GPC6: variants seen among roughly 807,000 people sequenced by gnomAD.
GPC6 encodes the protein glypican 6, also known as glypican-6.
A neutral mutation model predicts 55.2 loss-of-function variants in GPC6; 14 were observed. The observed-to-expected ratio is 0.25, with a 90% CI of 0.17 to 0.40. The LOEUF is 0.40. Ranked by LOEUF, GPC6 falls within the 10% of genes least tolerant of loss-of-function variation. The pLI is 1.00. For synonymous variants in GPC6, 278 were observed against 259.6 expected, an observed-to-expected ratio of 1.07 and a Z score of -0.68; for missense variants, 641 against 708.5, an observed-to-expected ratio of 0.90 and a Z score of 1.08.
rs1443939292 is a variant in GPC6, at chr13:93,676,160, TATATATATACATAC to T, written c.319+130741_319+130754del. On this transcript the variant is annotated intron_variant, in intron 2 of 8. Transcript: ENST00000377047. Reference sequence around the variant, plus strand: ...ATATATATATATATATATATATATATATATATATACATACACACACACACACACACATATATATG... The same window carrying T: ...ATATATATATATATATATATATATATACACACACACACACACATATATATG... Among the ~76,000 whole-genome samples, 33 of 24,758 alleles carry T rather than the reference TATATATATACATAC, an allele frequency of 1.3e-3. 1 individual carries two copies. Among genetic ancestry groups the T allele is most frequent in the African/African-American group, 3.2e-3 (31 of 9,782 alleles). The allele number at this position is 24,758 out of a possible 152,430, so 16.2% of individuals were successfully genotyped here.
intron 4 of GPC6, among the ~76,000 whole-genome samples, chr13:94,117,349 C>A (rs1186196719): frequency 6.6e-6 from 1 of 152,016 alleles, no homozygotes; most frequent in African/African-American, 2.4e-5. Flanking sequence ...AAATGGAAAT[C>A]CCAGGCAATT....
chr13:94,184,320 AG>A (rs2138951447), intron 4 of GPC6, among the ~76,000 whole-genome samples: 1 of 151,972 alleles, frequency 6.6e-6, no homozygotes, highest in East Asian at 1.9e-4. Flanking sequence ...CAAAAAACAA[AG>A]AAAAAAAAAA....
intron 3 of GPC6, among the ~76,000 whole-genome samples, chr13:93,918,120 C>A (rs1294819367): frequency 4.6e-5 from 7 of 151,678 alleles, no homozygotes; most frequent in Admixed American, 4.6e-4. Flanking sequence ...TCACATCTAA[C>A]TCATGATGTA....
chr13:93,984,574 C>A (rs1040886703), intron 3 of GPC6, among the ~76,000 whole-genome samples: 4 of 152,100 alleles, frequency 2.6e-5, no homozygotes, highest in African/African-American at 9.7e-5. Flanking sequence ...TTAGATGACA[C>A]ATAAAGATGT....
chr13:93,551,366 A>C (rs1483181603), intron 2 of GPC6, among the ~76,000 whole-genome samples: 1 of 151,478 alleles, frequency 6.6e-6, no homozygotes, highest in Non-Finnish European at 1.5e-5. Context: ...TTTCCGTAGT[A>C]CATCTTTGGG....
At chr13:93,526,030 A>G (rs191968203) in intron 1 of GPC6, among the ~76,000 whole-genome samples, 1 of 152,196 alleles carries the variant, frequency 6.6e-6, no homozygotes, top group East Asian at 1.9e-4. Flanking sequence ...GTTAACAAAG[A>G]TGTATGATAT....
At chr13:93,949,072 G>A (rs1178332909) in intron 3 of GPC6, among the ~76,000 whole-genome samples, 1 of 152,040 alleles carries the variant, frequency 6.6e-6, no homozygotes, top group Non-Finnish European at 1.5e-5. Context: ...CCAACTTTGG[G>A]GGTCTTCTGC....
rs983818776 is a variant in GPC6, at chr13:93,243,584, G to T, written c.160+15968G>T. Among the ~76,000 whole-genome samples the T allele has an allele frequency of 2.6e-5, 4 of 152,308 alleles. No homozygotes were observed. The South Asian group carries it at 8.3e-4, about 32-fold the overall frequency. On this transcript the variant is annotated intron_variant, in intron 1 of 8. Coordinates refer to ENST00000377047, the MANE Select transcript of GPC6 (RefSeq NM_005708.5). ...GGTGCGAGCACCAGCTCTGATGGGG[G>T]TGGCAGGGGAGTGGTGTGGGCTCTG...
chr13:94,152,711 G>C (rs1887786088), intron 4 of GPC6, among the ~76,000 whole-genome samples: 1 of 151,828 alleles, frequency 6.6e-6, no homozygotes, highest in Admixed American at 6.6e-5. Context: ...CATCTCTTCA[G>C]TGCTGCAACT....
At chr13:93,702,811 T>G (rs1452326308) in intron 2 of GPC6, among the ~76,000 whole-genome samples, 1 of 151,980 alleles carries the variant, frequency 6.6e-6, no homozygotes, top group Non-Finnish European at 1.5e-5. Context: ...CTCACCTCTC[T>G]CAGCCTTCAT....
At chr13:93,689,711 T>G (rs906960114) in intron 2 of GPC6, among the ~76,000 whole-genome samples, 9 of 152,180 alleles carry the variant, frequency 5.9e-5, no homozygotes, top group Admixed American at 3.3e-4. Context: ...TATTTAAATA[T>G]TTACTTCTTG....
intron 3 of GPC6, among the ~76,000 whole-genome samples, chr13:93,943,329 T>C (rs1032242799): frequency 6.6e-6 from 1 of 152,156 alleles, no homozygotes; most frequent in African/African-American, 2.4e-5. Flanking sequence ...ATCAAATGGC[T>C]CAACAGAGTG....
chr13:93,554,475 G>A (rs1395354244), intron 2 of GPC6, among the ~76,000 whole-genome samples: 1 of 152,122 alleles, frequency 6.6e-6, no homozygotes, highest in East Asian at 1.9e-4. Flanking sequence ...CTTGGTAAGT[G>A]TGATTGAATT....
rs186042012 is a variant in GPC6 at position 94,256,225 on chromosome 13, C to T, written c.878-30124C>T. 9.7e-4 allele frequency among the ~76,000 whole-genome samples: 148 copies of T among 152,156 alleles called. 1 individual carries two copies. The highest frequency in any genetic ancestry group is 3.4e-3 in the African/African-American group (140 of 41,496). ...GGAGCAAATATTGTGGAGTGTGGGC[C>T]ATGTCAGGGAATATTTAGTTCCTGT... On this transcript the variant is annotated intron_variant, in intron 4 of 8. Coordinates refer to ENST00000377047, the MANE Select transcript of GPC6 (RefSeq NM_005708.5).
intron 2 of GPC6, among the ~76,000 whole-genome samples, chr13:93,624,804 G>A (rs1292119787): frequency 6.6e-6 from 1 of 152,132 alleles, no homozygotes. Flanking sequence ...TAAACCAAGG[G>A]CTAAGAGCTG....
At chr13:93,596,557 T>C (rs562028074) in intron 2 of GPC6, among the ~76,000 whole-genome samples, 241 of 150,142 alleles carry the variant, frequency 1.6e-3, no homozygotes, top group African/African-American at 5.5e-3. Flanking sequence ...ATTAGACAAG[T>C]TTCTCCAGGG....
At chr13:93,968,201 T>G (rs950729773) in intron 3 of GPC6, among the ~76,000 whole-genome samples, 27 of 152,162 alleles carry the variant, frequency 1.8e-4, no homozygotes, top group Non-Finnish European at 2.9e-4. Flanking sequence ...CCAATTGATA[T>G]GGAAGAGAGA....
intron 2 of GPC6, among the ~76,000 whole-genome samples, chr13:93,594,812 C>T (rs905186008): frequency 6.6e-6 from 1 of 151,344 alleles, no homozygotes; most frequent in Non-Finnish European, 1.5e-5. Context: ...CCTATAGCCT[C>T]ACAAGTTGGA....
chr13:94,072,014 TAC>T (rs1235827618), intron 4 of GPC6, among the ~76,000 whole-genome samples: 1 of 152,212 alleles, frequency 6.6e-6, no homozygotes, highest in African/African-American at 2.4e-5. Context: ...TGTCTTTTCC[TAC>T]CATTTATTTC....
Sources: gnomAD v4.1 joint callset for allele counts (sites outside exome capture counted in the v4.1 genomes callset) on GRCh38, gnomAD v4.1.1 for gene constraint, MANE v1.5 for transcripts, NCBI Gene and HGNC (gene_info 2026-07-23, HGNC 2026-07-21) for gene names.